Variants in FAM177B observed in about 807,000 individuals in gnomAD.
FAM177B encodes protein FAM177B.
Under a neutral mutation model 16.1 loss-of-function variants are expected in FAM177B, and 16 were observed. That is an observed-to-expected ratio of 0.99 (90% confidence interval 0.67 to 1.51). The LOEUF is 1.51. Ranked by LOEUF, FAM177B falls within the 40% of genes most tolerant of loss-of-function variation. The pLI, the probability that FAM177B is intolerant of heterozygous loss-of-function variation, is 0.00. For missense variants in FAM177B, 178 were observed against 183.7 expected (o/e 0.97, Z 0.18); for synonymous variants, 56 against 59.9 (o/e 0.93, Z 0.30).
chr1:222,744,880 CATG>C (rs963750302), intron 2 of FAM177B, among the ~76,000 whole-genome samples: 4 of 152,322 alleles, frequency 2.6e-5, no homozygotes, highest in East Asian at 1.9e-4. Flanking sequence ...ACATTATGAT[CATG>C]ATATCTATTA....
At chr1:222,738,735 G>A (rs1658398267) in intron 2 of FAM177B, among the ~76,000 whole-genome samples, 1 of 152,126 alleles carries the variant, frequency 6.6e-6, no homozygotes, top group East Asian at 1.9e-4. Flanking sequence ...ACATCTAGGT[G>A]TGAAGCTGGC....
At position 222,750,271 on chromosome 1, in the gene FAM177B, T is replaced by C; in HGVS notation, c.*213T>C. 1.5e-6 allele frequency: 2 copies of C among 1,360,766 alleles called. No homozygotes were observed. Among genetic ancestry groups the C allele is most frequent in the East Asian group, 2.8e-5 (1 of 35,922 alleles). The allele number at this position is 1,360,766 out of a possible 1,614,324, so 84.3% of individuals were successfully genotyped here. A position where few individuals can be genotyped will look rare whatever the true frequency, so the allele number is the denominator to read the frequency against. On this transcript the variant is annotated 3_prime_UTR_variant, in exon 6 of 6. Transcript: ENST00000445590. ...ATAATGAGAGTAATTTTGGACACTTTCTCAGAATAATTTCTATATTCAAGC... is the reference window on the plus strand; with the variant it reads ...ATAATGAGAGTAATTTTGGACACTTCCTCAGAATAATTTCTATATTCAAGC...
intron 2 of FAM177B, among the ~76,000 whole-genome samples, chr1:222,741,932 T>C (rs867033946): frequency 2.1e-4 from 22 of 102,620 alleles, no homozygotes; most frequent in East Asian, 9.3e-4. Context: ...CTCTCTCTCT[T>C]TCTTTCTTTC....
intron 2 of FAM177B, among the ~76,000 whole-genome samples, chr1:222,739,497 T>C (rs1325674132): frequency 6.6e-6 from 1 of 152,156 alleles, no homozygotes; most frequent in Non-Finnish European, 1.5e-5. Context: ...CCCACAGAGA[T>C]TGTGATTTAA....
chr1:222,746,707 A>G lies in FAM177B; in HGVS notation c.162A>G (p.Ser54=). 1 of 1,610,980 alleles carries G rather than the reference A, an allele frequency of 6.2e-7. No homozygotes were observed. Among genetic ancestry groups the G allele is most frequent in the South Asian group, 1.1e-5 (1 of 90,660 alleles). ...EEEKEEQSTN[S]TLDPSKLSWG... is the part of the protein sequence containing the mutation. ...AAAAGGAGGAGCAGAGCACAAATTCAACACTTGACCCTGTAAGCTTAGTAT... is the reference window on the plus strand; with the variant it reads ...AAAAGGAGGAGCAGAGCACAAATTCGACACTTGACCCTGTAAGCTTAGTAT... Residue 54 remains serine, a synonymous_variant, in exon 3 of 6, where the codon TCA becomes TCG. Transcript: ENST00000445590.
chr1:222,744,082 A>G (rs578214566), intron 2 of FAM177B, among the ~76,000 whole-genome samples: 79 of 152,078 alleles, frequency 5.2e-4, no homozygotes, highest in African/African-American at 1.8e-3. Context: ...ATTTAATTTC[A>G]TCCAGCATTT....
chr1:222,747,068 C>A lies in FAM177B; in HGVS notation c.228C>A (p.Ser76Arg), dbSNP rs746474380. The change falls in exon 4 of 6, where the codon AGC becomes AGA. Residue 76 changes from serine to arginine, a missense_variant. Coordinates refer to ENST00000445590, the MANE Select transcript of FAM177B (RefSeq NM_001394345.1). ...GATTTTGGGCAGGACGAATAGCAAG[C>A]ACCTCATTTTCTAGTAAGTACTGCT... is the stretch of plus-strand genomic sequence containing the variant. ...YLRFWAGRIA[S>R]TSFSTCEFLG... is the part of the protein sequence containing the mutation. 1.2e-6 allele frequency: 2 copies of A among 1,609,628 alleles called. No individual in the cohort carries two copies. Among genetic ancestry groups the A allele is most frequent in the African/African-American group, 2.7e-5 (2 of 74,742 alleles).
chr1:222,749,981 G>C lies in FAM177B; in HGVS notation c.400G>C (p.Glu134Gln). The C allele has an allele frequency of 1.2e-6, 2 of 1,614,056 alleles. No homozygotes were observed. Among genetic ancestry groups the C allele is most frequent in the Non-Finnish European group, 1.7e-6 (2 of 1,179,940 alleles). Reference sequence around the variant, plus strand: ...GGCCCAGGCAGCTGAGGTTCCTAATGAAAAGTGTCACTTGGAGGCTGGGGT... The same window carrying C: ...GGCCCAGGCAGCTGAGGTTCCTAATCAAAAGTGTCACTTGGAGGCTGGGGT... ...SKAQAAEVPN[E>Q]KCHLEAGVQE... is the part of the protein sequence containing the mutation. The change falls in exon 6 of 6, where the codon GAA (glutamate) becomes CAA (glutamine). Residue 134 changes from glutamate (E) to glutamine (Q), a missense_variant. By Grantham distance (29) the Glu-to-Gln change is conservative. Transcript: ENST00000445590.
intron 4 of FAM177B, chr1:222,747,295 C>T (rs541083191): frequency 5.9e-6 from 3 of 509,688 alleles, no homozygotes; most frequent in African/African-American, 3.9e-5. Context: ...ATTCTTATCT[C>T]GGCCCAAATT....
rs1383577661 is a variant in FAM177B at position 222,750,898 on chromosome 1, T to C, written c.*840T>C. 1 of 152,138 alleles carries C rather than the reference T, an allele frequency of 6.6e-6. No homozygotes were observed. The highest frequency in any genetic ancestry group is 1.5e-5 in the Non-Finnish European group (1 of 68,064). 9.4% of individuals were successfully genotyped at this position (152,138 alleles called of 1,614,324 possible). A position where few individuals can be genotyped will look rare whatever the true frequency, so the allele number is the denominator to read the frequency against. Reference sequence around the variant, plus strand: ...CATTTACTAGTTGTGTGATTTGAGATGTCTAGATTTCTGAGCTCCAGTCTA... The same window carrying C: ...CATTTACTAGTTGTGTGATTTGAGACGTCTAGATTTCTGAGCTCCAGTCTA... On this transcript the variant is annotated 3_prime_UTR_variant, in exon 6 of 6. Coordinates refer to ENST00000445590, the MANE Select transcript of FAM177B (RefSeq NM_001394345.1).
intron 2 of FAM177B, among the ~76,000 whole-genome samples, chr1:222,746,209 C>G (rs1658788679): frequency 6.6e-6 from 1 of 152,214 alleles, no homozygotes; most frequent in South Asian, 2.1e-4. Context: ...CATTGCTTCT[C>G]AATATTTATT....
At chr1:222,746,789 A>T (rs1658819739) in intron 3 of FAM177B, 70 bp downstream of exon 3, 1 of 1,325,182 alleles carries the variant, frequency 7.5e-7, no homozygotes, top group Non-Finnish European at 1.0e-6. Flanking sequence ...ATTGAGCCAG[A>T]CAAGGTTTAT....
chr1:222,741,859 TTTC>T (rs1172295606), intron 2 of FAM177B, among the ~76,000 whole-genome samples: 7 of 147,474 alleles, frequency 4.7e-5, no homozygotes, highest in Admixed American at 2.0e-4. Context: ...CCTTCCTTCC[TTTC>T]TTCTTTCTTT....
At chr1:222,741,557 C>G (rs1424460408) in intron 2 of FAM177B, among the ~76,000 whole-genome samples, 2 of 145,956 alleles carry the variant, frequency 1.4e-5, no homozygotes, top group African/African-American at 5.1e-5. Context: ...GAGATGGCAT[C>G]TTCTCTGTCG....
chr1:222,748,267 A>G (rs1420570868), intron 4 of FAM177B, among the ~76,000 whole-genome samples: 2 of 152,248 alleles, frequency 1.3e-5, no homozygotes, highest in African/African-American at 4.8e-5. Context: ...ACTTCGGTTA[A>G]GGCAAAAGGG....
At chr1:222,740,696 TTTTTG>T (rs1212948003) in intron 2 of FAM177B, among the ~76,000 whole-genome samples, 2 of 152,164 alleles carry the variant, frequency 1.3e-5, no homozygotes, top group East Asian at 1.9e-4. Flanking sequence ...GTGTTTTTGG[TTTTTG>T]TTTTGTTTTG....
intron 2 of FAM177B, among the ~76,000 whole-genome samples, chr1:222,740,105 G>T (rs930555578): frequency 3.9e-5 from 6 of 152,114 alleles, no homozygotes; most frequent in African/African-American, 1.4e-4. Flanking sequence ...CCCAAACAGG[G>T]CAGATACCAC....
At position 222,749,816 on chromosome 1, in the gene FAM177B, A is replaced by G; in HGVS notation, c.340-105A>G. The G allele has an allele frequency of 1.9e-5, 24 of 1,240,606 alleles. 1 individual carries two copies. In the South Asian group the frequency reaches 3.0e-4, roughly 15 times the overall value. The allele number at this position is 1,240,606 out of a possible 1,614,324, so 76.8% of individuals were successfully genotyped here. On this transcript the variant is annotated intron_variant, in intron 5 of 5. Transcript: ENST00000445590. ...AAGGTAGTTGGGTGAGAAGGCTCAG[A>G]TTGCTTAAAGTAGAAGCTTCTTACA... is the stretch of plus-strand genomic sequence containing the variant.
At chr1:222,748,964 T>G in intron 4 of FAM177B, 1 of 470,358 alleles carries the variant, frequency 2.1e-6, no homozygotes, top group Non-Finnish European at 4.4e-6. Flanking sequence ...ATCCCAGTGC[T>G]GAGCCTGCAG....
Sources: allele counts gnomAD v4.1 joint callset (sites outside exome capture counted in the v4.1 genomes callset), GRCh38; gene constraint gnomAD v4.1.1; transcripts MANE v1.5; gene names NCBI Gene and HGNC (gene_info 2026-07-23, HGNC 2026-07-21).